Variants in NPC1 observed in about 807,000 individuals in gnomAD.
The protein encoded by NPC1 is Niemann-Pick C1 protein.
Under a neutral mutation model 140.4 loss-of-function variants are expected in NPC1, and 85 were observed. The ratio of observed to expected loss-of-function variants is 0.61; its 90% CI spans 0.51 to 0.72. The LOEUF is 0.72. Among genes scored for constraint, NPC1 ranks in the 30% least tolerant of loss-of-function variants. The pLI is 0.00. For synonymous variants in NPC1, 656 were observed against 624.8 expected (o/e 1.05, Z -0.74); for missense variants, 1,504 against 1,623.8 (o/e 0.93, Z 1.27).
Position 23,531,772 on chromosome 18 carries a change from A to C in NPC1, c.*430T>G. On this transcript the variant is annotated 3_prime_UTR_variant, in exon 25 of 25. Transcript: ENST00000269228. ...ATTTATTGCATTAATAAAGCTCTTT[A>C]AACTATAAAATGTTATAAAGTGTAT... 1 of 1,574,454 alleles carries C rather than the reference A, an allele frequency of 6.4e-7. No homozygotes were observed. The highest frequency in any genetic ancestry group is 8.6e-7 in the Non-Finnish European group (1 of 1,166,320).
downstream of NPC1, chr18:23,520,080 T>C (rs2058103168): frequency 2.8e-6 from 2 of 705,750 alleles, no homozygotes; most frequent in Admixed American, 2.2e-5. Flanking sequence ...AGAGCTAGCC[T>C]GTAGGGAGGA....
chr18:23,582,254 T>C (rs746097717), intron 1 of NPC1: 2 of 152,226 alleles, frequency 1.3e-5, no homozygotes, highest in Non-Finnish European at 2.9e-5. Context: ...TAAGATAAAA[T>C]TTTAAAGCTT....
intron 1 of NPC1, among the ~76,000 whole-genome samples, chr18:23,575,336 TG>T (rs2059259392): frequency 6.6e-6 from 1 of 152,054 alleles, no homozygotes; most frequent in Non-Finnish European, 1.5e-5. Context: ...ACCCACTTGG[TG>T]GAAGAGGGGT....
intron 14 of NPC1, among the ~76,000 whole-genome samples, chr18:23,543,250 A>C (rs1598951925): frequency 6.8e-6 from 1 of 146,780 alleles, no homozygotes; most frequent in African/African-American, 2.5e-5. Context: ...AATCGCTTGA[A>C]CCCGGGAGGC....
At chr18:23,526,720 C>T, downstream of NPC1, 1 of 1,614,028 alleles carries the variant, frequency 6.2e-7, no homozygotes, top group Non-Finnish European at 8.5e-7. Flanking sequence ...CTTTCTCCTC[C>T]AGAGAAAGGA....
chr18:23,578,639 C>T (rs1567986277), intron 1 of NPC1, among the ~76,000 whole-genome samples: 1 of 152,232 alleles, frequency 6.6e-6, no homozygotes, highest in Non-Finnish European at 1.5e-5. Context: ...CCTTCACCTG[C>T]ACCTCCCTAG....
intron 7 of NPC1, 54 bp from the exon 8 acceptor site, chr18:23,556,667 G>A (rs771153991): frequency 1.1e-5 from 17 of 1,604,550 alleles, no homozygotes; most frequent in Non-Finnish European, 1.4e-5. Context: ...AGCCGTTCCT[G>A]AAAGTCGGAA....
Position 23,531,595 on chromosome 18 carries a change from T to TA in NPC1, c.*606dup, listed in dbSNP as rs1687909844. On this transcript the variant is annotated 3_prime_UTR_variant, in exon 25 of 25. Coordinates refer to ENST00000269228, the MANE Select transcript of NPC1 (RefSeq NM_000271.5). ...TTTGTCCCTCATTTCATGCCACATC[T>TA]AACTGGCAATTAAATCTCTTCCTTT... 2 of 1,606,238 alleles carry TA rather than the reference T, an allele frequency of 1.2e-6. No individual in the cohort carries two copies. The highest frequency in any genetic ancestry group is 1.3e-5 in the African/African-American group (1 of 74,486).
intron 21 of NPC1, among the ~76,000 whole-genome samples, chr18:23,536,343 G>A (rs1231973549): frequency 6.6e-6 from 1 of 152,174 alleles, no homozygotes; most frequent in Admixed American, 6.5e-5. Flanking sequence ...TTCATTGTTG[G>A]CCAAGAATGT....
intron 3 of NPC1, chr18:23,509,148 G>A: frequency 1.3e-6 from 1 of 762,112 alleles, no homozygotes; most frequent in South Asian, 3.8e-5. Context: ...AGTTATATGT[G>A]TTTTTTCTTA....
At chr18:23,525,188 C>T (rs536272037), downstream of NPC1, among the ~76,000 whole-genome samples, 3 of 151,862 alleles carry the variant, frequency 2.0e-5, no homozygotes, top group South Asian at 4.2e-4. Context: ...TCAGGTGATC[C>T]GCCTGCCTCG....
intron 1 of NPC1, among the ~76,000 whole-genome samples, chr18:23,574,999 TAC>T: frequency 6.6e-6 from 1 of 152,360 alleles, no homozygotes; most frequent in East Asian, 1.9e-4. Flanking sequence ...AAAAGCTGAC[TAC>T]AGAGGCAGAG....
At chr18:23,557,334 C>T in intron 6 of NPC1, 144 bp from the exon 7 acceptor site, 1 of 705,622 alleles carries the variant, frequency 1.4e-6, no homozygotes, top group South Asian at 1.5e-5. Flanking sequence ...CCCCTAAGTC[C>T]CCTTGCTCTG....
chr18:23,549,658 C>CTT (rs375168225), intron 10 of NPC1, among the ~76,000 whole-genome samples: 5 of 147,870 alleles, frequency 3.4e-5, no homozygotes, highest in South Asian at 2.2e-4. Context: ...AAATAAAAAC[C>CTT]TTTTTTTTTT....
At chr18:23,579,937 A>G (rs1299520308) in intron 1 of NPC1, among the ~76,000 whole-genome samples, 1 of 151,722 alleles carries the variant, frequency 6.6e-6, no homozygotes, top group Admixed American at 6.6e-5. Flanking sequence ...AGCAACTGCT[A>G]AATTGGACCC....
At chr18:23,516,333 C>G in intron 3 of NPC1, 1 of 1,614,176 alleles carries the variant, frequency 6.2e-7, no homozygotes, top group Non-Finnish European at 8.5e-7. Context: ...GGCACTATGT[C>G]GAAGCTGCCC....
intron 18 of NPC1, 75 bp downstream of exon 18, chr18:23,539,736 T>A: frequency 6.7e-7 from 1 of 1,486,576 alleles, no homozygotes; most frequent in South Asian, 1.1e-5. Context: ...CAGTGAGACA[T>A]TTCAGGCCTG....
intron 6 of NPC1, 103 bp from the exon 7 acceptor site, chr18:23,557,293 G>GGCC: frequency 1.2e-6 from 1 of 837,204 alleles, no homozygotes; most frequent in East Asian, 2.6e-5. Flanking sequence ...TCCTCCTCCT[G>GGCC]GCCTCCTCCT....
chr18:23,576,115 T>G (rs187589766), intron 1 of NPC1, among the ~76,000 whole-genome samples: 145 of 151,954 alleles, frequency 9.5e-4, no homozygotes, highest in African/African-American at 3.3e-3. Flanking sequence ...TCCCAGCTAC[T>G]TAGGAGGCTG....
Sources: gnomAD v4.1 joint callset for allele counts (sites outside exome capture counted in the v4.1 genomes callset) on GRCh38, gnomAD v4.1.1 for gene constraint, MANE v1.5 for transcripts, NCBI Gene and HGNC (gene_info 2026-07-23, HGNC 2026-07-21) for gene names.